The following PARD3B variants were observed in gnomAD, a reference collection of about 807,000 sequenced individuals.
PARD3B encodes the protein partitioning defective 3 homolog B.
PARD3B carries 103 observed loss-of-function variants against 130.2 expected under a neutral mutation model. That is an observed-to-expected ratio of 0.79 (90% CI 0.67 to 0.93). The LOEUF is 0.93. Ranked by LOEUF, PARD3B falls within the 40% of genes least tolerant of loss-of-function variation. The probability of loss-of-function intolerance (pLI) is 0.00; values close to 1 mark genes in which losing one functional copy is unlikely to be tolerated. For missense variants in PARD3B, 1,609 were observed against 1,499.2 expected, an observed-to-expected ratio of 1.07 and a Z score of -1.21; for synonymous variants, 583 against 553.2, an observed-to-expected ratio of 1.05 and a Z score of -0.76.
chr2:205,344,593 A>G (rs1434732155), intron 18 of PARD3B, among the ~76,000 whole-genome samples: 1 of 152,192 alleles, frequency 6.6e-6, no homozygotes, highest in Non-Finnish European at 1.5e-5. Context: ...TTCTATGGGC[A>G]TTCCCTAGAA....
At chr2:204,688,561 CAG>C (rs1180878857) in intron 2 of PARD3B, among the ~76,000 whole-genome samples, 1 of 122,166 alleles carries the variant, frequency 8.2e-6, no homozygotes, top group African/African-American at 3.3e-5. Flanking sequence ...GCCTGGGTGA[CAG>C]AGCAAGACTC....
chr2:205,037,362 AATAT>A (rs768569682), intron 3 of PARD3B, among the ~76,000 whole-genome samples: 4 of 95,570 alleles, frequency 4.2e-5, no homozygotes, highest in Admixed American at 1.0e-4. Context: ...ATTTGTATAA[AATAT>A]ATATAGTGGA....
chr2:205,064,244 G>T (rs566331157), intron 4 of PARD3B, among the ~76,000 whole-genome samples: 2 of 152,148 alleles, frequency 1.3e-5, no homozygotes, highest in Non-Finnish European at 2.9e-5. Context: ...TCATGAGAGT[G>T]TTGAACATCT....
rs1559523243 is a variant in PARD3B at position 205,187,804 on chromosome 2, TG to T, written c.2024+1942del. Among the ~76,000 whole-genome samples, 1 of 152,202 alleles carries T rather than the reference TG, an allele frequency of 6.6e-6. No homozygotes were observed. Among genetic ancestry groups the T allele is most frequent in the Non-Finnish European group, 1.5e-5 (1 of 68,036 alleles). On this transcript the variant is annotated intron_variant, in intron 14 of 22. Transcript: ENST00000406610. The surrounding 1 kb of genome is among the most constrained non-coding windows in gnomAD (Gnocchi z 4.9). ...TCACGTCTTCCTTCCTAGTCCCGTGTGTTTTAGGCCTCTGTTCTCACTTCTT... is the reference window on the plus strand; with the variant it reads ...TCACGTCTTCCTTCCTAGTCCCGTGTTTTTAGGCCTCTGTTCTCACTTCTT...
chr2:205,102,075 A>G lies in PARD3B; in HGVS notation c.505-2351A>G, dbSNP rs536574832. Among the ~76,000 whole-genome samples, 3 of 152,332 alleles carry G rather than the reference A, an allele frequency of 2.0e-5. No homozygotes were observed. In the South Asian group the frequency reaches 6.2e-4, roughly 32 times the overall value. Reference sequence around the variant, plus strand: ...AAAAATGATCTTAAGGCAATCCTTTAGATGACTGTAGCTGCAGCCCCGCAG... The same window carrying G: ...AAAAATGATCTTAAGGCAATCCTTTGGATGACTGTAGCTGCAGCCCCGCAG... On this transcript the variant is annotated intron_variant, in intron 4 of 22. Coordinates refer to ENST00000406610, the MANE Select transcript of PARD3B (RefSeq NM_001302769.2).
chr2:204,794,611 C>T (rs1055050172), intron 2 of PARD3B, among the ~76,000 whole-genome samples: 2 of 152,160 alleles, frequency 1.3e-5, no homozygotes, highest in Admixed American at 1.3e-4. Context: ...TGACCTTGAG[C>T]ACAGATAACA....
At chr2:204,792,747 T>C (rs912924207) in intron 2 of PARD3B, among the ~76,000 whole-genome samples, 12 of 152,182 alleles carry the variant, frequency 7.9e-5, no homozygotes, top group African/African-American at 2.9e-4. Flanking sequence ...AAGTAGTCAA[T>C]TAGAAAGGTC....
intron 21 of PARD3B, among the ~76,000 whole-genome samples, chr2:205,522,631 C>T (rs1304631573): frequency 3.3e-5 from 5 of 151,972 alleles, no homozygotes; most frequent in Admixed American, 6.6e-5. Flanking sequence ...TAGCAAAGAG[C>T]ACAACAGACA....
chr2:204,774,847 A>G (rs2041547689), intron 2 of PARD3B, among the ~76,000 whole-genome samples: 1 of 152,084 alleles, frequency 6.6e-6, no homozygotes, highest in Non-Finnish European at 1.5e-5. Flanking sequence ...ATTACTCTTC[A>G]GTTATTCACA....
intron 4 of PARD3B, among the ~76,000 whole-genome samples, chr2:205,053,563 C>A (rs577402382): frequency 2.3e-4 from 35 of 151,776 alleles, no homozygotes; most frequent in Admixed American, 4.6e-4. Context: ...TCGCTTGAAC[C>A]TGGGAGGCAG....
chr2:205,528,698 G>C (rs892644189), intron 21 of PARD3B, among the ~76,000 whole-genome samples: 5 of 152,000 alleles, frequency 3.3e-5, no homozygotes, highest in Admixed American at 2.6e-4. Context: ...GACCATGTTG[G>C]CCAGGATGGT....
intron 19 of PARD3B, among the ~76,000 whole-genome samples, chr2:205,432,463 C>A (rs957091630): frequency 2.0e-5 from 3 of 152,122 alleles, no homozygotes; most frequent in Non-Finnish European, 4.4e-5. Context: ...CCTCTCTGGC[C>A]TCCTCCAAAT....
intron 1 of PARD3B, among the ~76,000 whole-genome samples, chr2:204,657,006 C>T (rs540579360): frequency 3.9e-4 from 59 of 152,212 alleles, no homozygotes; most frequent in African/African-American, 1.3e-3. Flanking sequence ...GTGCCTTGGT[C>T]TTATTTGTAA....
At chr2:205,200,232 G>A (rs2036914435) in intron 15 of PARD3B, among the ~76,000 whole-genome samples, 1 of 152,106 alleles carries the variant, frequency 6.6e-6, no homozygotes, top group East Asian at 1.9e-4. Context: ...TCACCTTGGA[G>A]AAAATTAAAT....
Position 204,648,587 on chromosome 2 carries a change from TATTATATATA to T in PARD3B, c.121-37591_121-37582del, listed in dbSNP as rs1278383197. Among the ~76,000 whole-genome samples, 1,210 of 128,918 alleles carry T rather than the reference TATTATATATA, an allele frequency of 9.4e-3. 25 individuals are homozygous for T. The highest frequency in any genetic ancestry group is 0.033 in the African/African-American group (1,128 of 34,338). 84.6% of individuals were successfully genotyped at this position (128,918 alleles called of 152,430 possible). A position where few individuals can be genotyped will look rare whatever the true frequency, so the allele number is the denominator to read the frequency against. ...AAATATAAATATATATTATATATTA[TATTATATATA>T]ATATATTTATATTTATATATACTAT... On this transcript the variant is annotated intron_variant, in intron 1 of 22. Transcript: ENST00000406610.
intron 22 of PARD3B, among the ~76,000 whole-genome samples, chr2:205,614,732 A>T (rs1378154695): frequency 6.6e-6 from 1 of 151,204 alleles, no homozygotes; most frequent in Non-Finnish European, 1.5e-5. Flanking sequence ...AAAAAAAAAG[A>T]GCTCTAGGTG....
rs2044596394 is a variant in PARD3B at position 205,366,066 on chromosome 2, C to T, written c.2631-34947C>T. On this transcript the variant is annotated intron_variant, in intron 18 of 22. Coordinates refer to ENST00000406610, the MANE Select transcript of PARD3B (RefSeq NM_001302769.2). The surrounding 1 kb of genome is among the most constrained non-coding windows in gnomAD (Gnocchi z 5.0). ...TATCTACCCACCCACCCATCTATCCCCCCACTCATCCATCCATCCGTTTAT... is the reference window on the plus strand; with the variant it reads ...TATCTACCCACCCACCCATCTATCCTCCCACTCATCCATCCATCCGTTTAT... 6.6e-6 allele frequency among the ~76,000 whole-genome samples: 1 copy of T among 152,058 alleles called. No homozygotes were observed. Among genetic ancestry groups the T allele is most frequent in the African/African-American group, 2.4e-5 (1 of 41,420 alleles).
intron 2 of PARD3B, among the ~76,000 whole-genome samples, chr2:204,732,991 TG>T (rs2039582233): frequency 6.6e-6 from 1 of 152,044 alleles, no homozygotes; most frequent in Admixed American, 6.6e-5. Context: ...GCCATGATGG[TG>T]CTTTTTTTTT....
chr2:205,074,861 G>C (rs764810804), intron 4 of PARD3B, among the ~76,000 whole-genome samples: 4 of 152,012 alleles, frequency 2.6e-5, no homozygotes, highest in Non-Finnish European at 5.9e-5. Context: ...TATTTTCCTA[G>C]GTCATTTAGA....
Sources: allele counts gnomAD v4.1 joint callset (sites outside exome capture counted in the v4.1 genomes callset), GRCh38; gene constraint gnomAD v4.1.1; non-coding constraint Gnocchi (gnomAD v3.1); transcripts MANE v1.5; gene names NCBI Gene and HGNC (gene_info 2026-07-23, HGNC 2026-07-21).